The following CD8B2 variants were observed in gnomAD, a reference collection of about 807,000 sequenced individuals.
The protein encoded by CD8B2 is T-cell surface glycoprotein CD8 beta-2 chain.
In CD8B2, 11 loss-of-function variants were observed where a neutral mutation model predicts 23.7. The ratio of observed to expected loss-of-function variants is 0.46; its 90% CI spans 0.29 to 0.77. CD8B2 has a LOEUF of 0.77. Among genes scored for constraint, CD8B2 ranks in the 30% least tolerant of loss-of-function variants. The pLI is 0.09. For missense variants in CD8B2, 197 were observed against 270.5 expected (o/e 0.73, Z 1.91); for synonymous variants, 90 against 109.3 (o/e 0.82, Z 1.10).
chr2:106,511,995 C>T (rs541265587), downstream of CD8B2, among the ~76,000 whole-genome samples: 2 of 152,328 alleles, frequency 1.3e-5, no homozygotes, highest in South Asian at 4.2e-4. Context: ...CATTAGTTTA[C>T]TGCCTTTCAC....
chr2:106,513,692 G>A (rs1024687665), downstream of CD8B2, among the ~76,000 whole-genome samples: 19 of 152,018 alleles, frequency 1.2e-4, no homozygotes, highest in Admixed American at 9.8e-4. Context: ...ACCAGACCAG[G>A]CAAAAGGGAG....
In CD8B2 at chr2:106,508,854, A is replaced by C. The variant is rs962122090; in HGVS notation, c.*1914A>C. 1.3e-5 allele frequency: 2 copies of C among 152,226 alleles called. No individual in the cohort carries two copies. The highest frequency in any genetic ancestry group is 4.8e-5 in the African/African-American group (2 of 41,420). 9.4% of individuals were successfully genotyped at this position (152,226 alleles called of 1,614,324 possible). A position where few individuals can be genotyped will look rare whatever the true frequency, so the allele number is the denominator to read the frequency against. ...GTGGAAGGGGGAGGGTTGTAGGGAG[A>C]GTAGCCTTTGATCCTTGGTTACTCA... On this transcript the variant is annotated 3_prime_UTR_variant, in exon 6 of 6. Coordinates refer to ENST00000643224, the MANE Select transcript of CD8B2 (RefSeq NM_001349727.2).
intron 5 of CD8B2, among the ~76,000 whole-genome samples, chr2:106,534,065 G>A (rs1360560641): frequency 6.6e-6 from 1 of 152,216 alleles, no homozygotes; most frequent in Non-Finnish European, 1.5e-5. Flanking sequence ...TGTAGGTACA[G>A]TTACAAATCC....
At chr2:106,491,557 A>T (rs922636291) in intron 2 of CD8B2, among the ~76,000 whole-genome samples, 10 of 151,680 alleles carry the variant, frequency 6.6e-5, no homozygotes, top group African/African-American at 2.4e-4. Context: ...TTATTTATTT[A>T]TTTTTTTTGA....
At chr2:106,533,797 T>C (rs557415376) in intron 5 of CD8B2, among the ~76,000 whole-genome samples, 6 of 152,314 alleles carry the variant, frequency 3.9e-5, no homozygotes, top group African/African-American at 1.4e-4. Flanking sequence ...GGCAAACAGC[T>C]GACCTGAGCC....
chr2:106,533,425 TC>T (rs2104574491), intron 5 of CD8B2, among the ~76,000 whole-genome samples: 1 of 152,300 alleles, frequency 6.6e-6, no homozygotes, highest in South Asian at 2.1e-4. Flanking sequence ...TTGTGTGCAG[TC>T]CCTTTTGTAA....
Position 106,531,524 on chromosome 2 carries a change from G to A in CD8B2, c.621-12468G>A, listed in dbSNP as rs574867536. Among the ~76,000 whole-genome samples, 4 of 152,306 alleles carry A rather than the reference G, an allele frequency of 2.6e-5. No individual in the cohort carries two copies. The East Asian group carries it at 7.7e-4, about 29-fold the overall frequency. The stretch of plus-strand genomic sequence containing the variant: ...TTTCTTGCTCTAAGGGTCCTAGCCA[G>A]GATGCTGCCCCTGCAGGGGGCCAGG... On this transcript the variant is annotated intron_variant, in intron 5 of 5. Transcript: ENST00000416057.
chr2:106,520,698 G>T lies in CD8B2; in HGVS notation c.620+16373G>T, dbSNP rs114015331. Among the ~76,000 whole-genome samples, 1,313 of 152,126 alleles carry T rather than the reference G, an allele frequency of 8.6e-3. 12 individuals are homozygous for T. Among genetic ancestry groups the T allele is most frequent in the Middle Eastern group, 0.027 (8 of 294 alleles). ...CTTGAGGTCCAACATGGTGAAACCT[G>T]TCTCTACTGAAAATACAAAAAATTA... is the stretch of plus-strand genomic sequence containing the variant. On this transcript the variant is annotated intron_variant, in intron 5 of 5. Transcript: ENST00000416057.
chr2:106,492,896 AGTTTGGG>A (rs1257773582), intron 2 of CD8B2, among the ~76,000 whole-genome samples: 1 of 152,076 alleles, frequency 6.6e-6, no homozygotes, highest in Non-Finnish European at 1.5e-5. Flanking sequence ...GGACTTTGGG[AGTTTGGG>A]GTTTGGGGTT....
At position 106,504,219 on chromosome 2, in the gene CD8B2, C is replaced by A. The variant is rs1227508478; in HGVS notation, c.584-70C>A. 8 of 1,549,948 alleles carry A rather than the reference C, an allele frequency of 5.2e-6. No individual in the cohort carries two copies. In the African/African-American group the frequency reaches 1.1e-4, roughly 21 times the overall value. On this transcript the variant is annotated intron_variant, in intron 4 of 5. Transcript: ENST00000643224. Reference sequence around the variant, plus strand: ...GTCAGCTGCCCCTGTGACAATCCTCCTTGGCCTCTGGGGCTCAGCACAGTG... The same window carrying A: ...GTCAGCTGCCCCTGTGACAATCCTCATTGGCCTCTGGGGCTCAGCACAGTG...
chr2:106,515,581 A>G (rs572973288), downstream of CD8B2, among the ~76,000 whole-genome samples: 3 of 152,300 alleles, frequency 2.0e-5, no homozygotes, highest in Admixed American at 2.0e-4. Flanking sequence ...CCCATTAGAC[A>G]ACAACTGTGC....
At chr2:106,490,575 A>T (rs1245750453) in intron 1 of CD8B2, among the ~76,000 whole-genome samples, 1 of 152,180 alleles carries the variant, frequency 6.6e-6, no homozygotes, top group East Asian at 1.9e-4. Flanking sequence ...GGCTTGATTG[A>T]GTTCCTTTAT....
chr2:106,538,184 G>A (rs533371799), intron 5 of CD8B2: 2 of 152,144 alleles, frequency 1.3e-5, no homozygotes, highest in Non-Finnish European at 2.9e-5. Flanking sequence ...TAGCCAATAT[G>A]ACTCAATTCC....
At chr2:106,520,254 C>T (rs1476375063) in intron 5 of CD8B2, among the ~76,000 whole-genome samples, 1 of 152,098 alleles carries the variant, frequency 6.6e-6, no homozygotes, top group Non-Finnish European at 1.5e-5. Flanking sequence ...ATCTGTTTTC[C>T]TTAGCCATTT....
At chr2:106,502,589 G>A in intron 4 of CD8B2, 26 bp downstream of exon 4, 2 of 1,290,752 alleles carry the variant, frequency 1.5e-6, no homozygotes, top group South Asian at 2.7e-5. Context: ...TTGGGTTGTT[G>A]GGTGTCCCTG....
At chr2:106,516,363 C>G (rs6755065) in intron 5 of CD8B2, among the ~76,000 whole-genome samples, 1 of 152,214 alleles carries the variant, frequency 6.6e-6, no homozygotes, top group Non-Finnish European at 1.5e-5. Context: ...TCTGGGTTTC[C>G]GAGGACATGA....
rs766007767 is a variant in CD8B2, at chr2:106,507,793, A to G, written c.*853A>G. Reference sequence around the variant, plus strand: ...CACCTGAGATCCTCATTTGCCCGACATTGTAGGTGTGGAGAGTCCTAGAGA... The same window carrying G: ...CACCTGAGATCCTCATTTGCCCGACGTTGTAGGTGTGGAGAGTCCTAGAGA... On this transcript the variant is annotated 3_prime_UTR_variant, in exon 6 of 6. Transcript: ENST00000643224. The G allele has an allele frequency of 1.2e-4, 34 of 274,726 alleles. No homozygotes were observed. Among genetic ancestry groups the G allele is most frequent in the Non-Finnish European group, 1.6e-4 (28 of 180,318 alleles). 17.0% of individuals were successfully genotyped at this position (274,726 alleles called of 1,614,324 possible). A position where few individuals can be genotyped will look rare whatever the true frequency, so the allele number is the denominator to read the frequency against.
Position 106,489,639 on chromosome 2 carries a change from G to A in CD8B2, c.44-1235G>A, listed in dbSNP as rs532317766. Among the ~76,000 whole-genome samples, 25 of 152,320 alleles carry A rather than the reference G, an allele frequency of 1.6e-4. 2 individuals carry two copies. The South Asian group carries it at 5.2e-3, about 32-fold the overall frequency. On this transcript the variant is annotated intron_variant, in intron 1 of 5. Coordinates refer to ENST00000643224, the MANE Select transcript of CD8B2 (RefSeq NM_001349727.2). ...GATTGTGTTTGTTGGAAGCTGTGCA[G>A]CCTTGGTGTGTATGGAACCTGTTCT...
chr2:106,533,172 G>A (rs1680016241), intron 5 of CD8B2, among the ~76,000 whole-genome samples: 1 of 152,182 alleles, frequency 6.6e-6, no homozygotes, highest in Admixed American at 6.5e-5. Flanking sequence ...TGGTCCCAGG[G>A]GACAGGAATG....
Sources: gnomAD v4.1 joint callset for allele counts (sites outside exome capture counted in the v4.1 genomes callset) on GRCh38, gnomAD v4.1.1 for gene constraint, MANE v1.5 for transcripts, NCBI Gene and HGNC (gene_info 2026-07-23, HGNC 2026-07-21) for gene names.